Variants in RALB observed in about 807,000 individuals in gnomAD.
RALB encodes the protein ras-related protein Ral-B.
In RALB, 16 loss-of-function variants were observed where a neutral mutation model predicts 21.3. The ratio of observed to expected loss-of-function variants is 0.75; its 90% CI spans 0.51 to 1.14. RALB has a LOEUF of 1.14. Ranked by LOEUF, RALB falls within the 50% of genes most tolerant of loss-of-function variation. RALB has a pLI of 0.00. For missense variants in RALB, 161 were observed against 256.2 expected (o/e 0.63, Z 2.54); for synonymous variants, 93 against 96.1 (o/e 0.97, Z 0.19).
chr2:120,271,731 A>G (rs141743175), intron 1 of RALB, among the ~76,000 whole-genome samples: 38 of 152,292 alleles, frequency 2.5e-4, no homozygotes, highest in African/African-American at 7.9e-4. Context: ...TGAATGGACT[A>G]TTATTAACCT....
rs113816638 is a variant in RALB, at chr2:120,284,782, C to T, written c.115-1092C>T. 8.3e-3 allele frequency among the ~76,000 whole-genome samples: 1,266 copies of T among 152,242 alleles called. 21 individuals are homozygous for T. The highest frequency in any genetic ancestry group is 0.028 in the African/African-American group (1,154 of 41,516). ...AACCTACGTATTAGTAGTCATTCCC[C>T]GTTATTGCTTCCCCGTCCCACCCCT... On this transcript the variant is annotated intron_variant, in intron 2 of 4. Transcript: ENST00000272519.
chr2:120,288,228 A>G (rs1047723942), intron 3 of RALB, among the ~76,000 whole-genome samples: 2 of 152,184 alleles, frequency 1.3e-5, no homozygotes, highest in African/African-American at 2.4e-5. Flanking sequence ...CCCCAGTTCA[A>G]ATGTAGGCTA....
chr2:120,280,845 A>C (rs759166686), intron 2 of RALB: 1 of 438,724 alleles, frequency 2.3e-6, no homozygotes, highest in African/African-American at 2.0e-5. Flanking sequence ...GAATGTTTCA[A>C]AATCATTGGC....
intron 1 of RALB, among the ~76,000 whole-genome samples, chr2:120,277,181 T>A (rs1689817497): frequency 6.6e-6 from 1 of 152,218 alleles, no homozygotes; most frequent in Admixed American, 6.5e-5. Context: ...TTGAACTCAC[T>A]TCTTTAATCA....
At chr2:120,264,685 A>T (rs1485949546) in intron 1 of RALB, among the ~76,000 whole-genome samples, 1 of 152,198 alleles carries the variant, frequency 6.6e-6, no homozygotes, top group Admixed American at 6.5e-5. Context: ...TTGTGCAGCC[A>T]TCACCACCAT....
At chr2:120,253,130 C>T in intron 1 of RALB, 150 bp downstream of exon 1, 1 of 522,904 alleles carries the variant, frequency 1.9e-6, no homozygotes, top group Non-Finnish European at 2.5e-6. Flanking sequence ...CGGCGGAGGG[C>T]GACGCCCCGG....
intron 1 of RALB, among the ~76,000 whole-genome samples, chr2:120,245,229 G>A (rs1688952004): frequency 6.6e-6 from 1 of 152,232 alleles, no homozygotes; most frequent in Admixed American, 6.5e-5. Flanking sequence ...GTGGGAAGGT[G>A]GTGGACTGGG....
At chr2:120,256,221 G>C (rs1011862440) in intron 1 of RALB, among the ~76,000 whole-genome samples, 1 of 152,098 alleles carries the variant, frequency 6.6e-6, no homozygotes, top group Non-Finnish European at 1.5e-5. Context: ...ATGGCTGTTG[G>C]CTGGAGGCCT....
At chr2:120,283,678 C>G (rs1022364782) in intron 2 of RALB, among the ~76,000 whole-genome samples, 1 of 152,154 alleles carries the variant, frequency 6.6e-6, no homozygotes. Flanking sequence ...TGGCAGCAAC[C>G]GTTTCAGACT....
intron 3 of RALB, among the ~76,000 whole-genome samples, chr2:120,287,028 A>G (rs774680278): frequency 3.3e-5 from 5 of 152,158 alleles, no homozygotes; most frequent in East Asian, 1.9e-4. Context: ...TCTTATAAAC[A>G]TATCTATCTA....
At chr2:120,267,747 T>C (rs1007158979) in intron 1 of RALB, among the ~76,000 whole-genome samples, 3 of 152,172 alleles carry the variant, frequency 2.0e-5, no homozygotes, top group Non-Finnish European at 4.4e-5. Context: ...ATTTGGACTT[T>C]TATGTGAAAT....
At chr2:120,244,227 G>A (rs1688935564) in intron 1 of RALB, among the ~76,000 whole-genome samples, 1 of 152,194 alleles carries the variant, frequency 6.6e-6, no homozygotes, top group African/African-American at 2.4e-5. Context: ...TATGGAGATT[G>A]CAATTCCACA....
intron 1 of RALB, among the ~76,000 whole-genome samples, chr2:120,268,402 C>T (rs115267087): frequency 5.4e-4 from 82 of 152,288 alleles, no homozygotes; most frequent in African/African-American, 1.8e-3. Context: ...ATTTACCTTA[C>T]GTTTGTTTTT....
intron 1 of RALB, chr2:120,253,534 G>C: frequency 7.1e-6 from 7 of 985,642 alleles, no homozygotes; most frequent in Non-Finnish European, 7.2e-6. Flanking sequence ...GGCCAGCGGC[G>C]AAGGGGCTTC....
chr2:120,278,560 T>G, intron 1 of RALB, 58 bp from the exon 2 acceptor site: 1 of 1,339,076 alleles, frequency 7.5e-7, no homozygotes, highest in Non-Finnish European at 9.7e-7. Context: ...GAATGACATT[T>G]GGTTTTAGCT....
At chr2:120,278,115 G>A (rs1166132007) in intron 1 of RALB, among the ~76,000 whole-genome samples, 1 of 151,434 alleles carries the variant, frequency 6.6e-6, no homozygotes, top group Non-Finnish European at 1.5e-5. Flanking sequence ...GTTAGTGACC[G>A]TTTGTGAGTG....
upstream of RALB, among the ~76,000 whole-genome samples, chr2:120,248,663 T>C (rs2104570062): frequency 6.6e-6 from 1 of 152,298 alleles, no homozygotes; most frequent in East Asian, 1.9e-4. Flanking sequence ...TAATGTTTTT[T>C]CTTTTTTCTG....
chr2:120,259,549 A>C (rs1483750547), intron 1 of RALB, among the ~76,000 whole-genome samples: 1 of 151,748 alleles, frequency 6.6e-6, no homozygotes, highest in South Asian at 2.1e-4. Flanking sequence ...TCACCAGAGC[A>C]GCTAGATACA....
chr2:120,240,126 G>T lies in RALB; in HGVS notation c.19+1G>T, dbSNP rs115901858. 7.8e-7 allele frequency: 1 copy of T among 1,289,706 alleles called. No homozygotes were observed. The highest frequency in any genetic ancestry group is 5.6e-5 in the East Asian group (1 of 18,010). The allele number at this position is 1,289,706 out of a possible 1,614,324, so 79.9% of individuals were successfully genotyped here. A position where few individuals can be genotyped will look rare whatever the true frequency, so the allele number is the denominator to read the frequency against. ...CTCTGCATGAAACAGCGGCAGTCAGGTGGGTGCCCGCCCTCGGTGTGGATT... is the reference window on the plus strand; with the variant it reads ...CTCTGCATGAAACAGCGGCAGTCAGTTGGGTGCCCGCCCTCGGTGTGGATT... On this transcript the variant is annotated splice_donor_variant, in intron 1 of 3. Coordinates refer to the RALB transcript ENST00000447591. LOFTEE classifies it high-confidence loss of function.
Sources: gnomAD v4.1 joint callset for allele counts (sites outside exome capture counted in the v4.1 genomes callset) on GRCh38, gnomAD v4.1.1 for gene constraint, MANE v1.5 for transcripts, NCBI Gene and HGNC (gene_info 2026-07-23, HGNC 2026-07-21) for gene names.